The following HEPH variants were observed in gnomAD, a reference collection of about 807,000 sequenced individuals.
HEPH encodes hephaestin.
HEPH carries 69 observed loss-of-function variants against 80.8 expected under a neutral mutation model. That is an observed-to-expected ratio of 0.85 (90% confidence interval 0.70 to 1.04). The LOEUF (loss-of-function observed/expected upper bound fraction) is 1.04. Among genes scored for constraint, HEPH ranks in the 50% least tolerant of loss-of-function variants. HEPH has a pLI of 0.00. For missense variants in HEPH, 1,115 were observed against 891.3 expected (o/e 1.25, Z -3.20); for synonymous variants, 431 against 322.8 (o/e 1.34, Z -3.60).
In HEPH at chrX:66,255,157, G is replaced by T; in HGVS notation, c.2670+16G>T. The T allele has an allele frequency of 8.9e-7, 1 of 1,117,941 alleles. No homozygotes were observed. 92.1% of individuals were successfully genotyped at this position (1,117,941 alleles called of 1,213,427 possible). A position where few individuals can be genotyped will look rare whatever the true frequency, so the allele number is the denominator to read the frequency against. Reference sequence around the variant, plus strand: ...TCCCATCAAGGTAAATACAAGATTGGCTACCTGGAGGTGGGTCAAACTCCC... The same window carrying T: ...TCCCATCAAGGTAAATACAAGATTGTCTACCTGGAGGTGGGTCAAACTCCC... On this transcript the variant is annotated intron_variant, in intron 16 of 20. Transcript: ENST00000343002.
chrX:66,192,065 G>C, intron 6 of HEPH, 65 bp from the exon 7 acceptor site: 1 of 1,060,742 alleles, frequency 9.4e-7, no homozygotes, highest in East Asian at 3.1e-5. Flanking sequence ...GAAGGAGGAA[G>C]GTGAGTCCTC....
At chrX:66,265,325 C>A (rs1453911727) in intron 20 of HEPH, among the ~76,000 whole-genome samples, 2 of 110,721 alleles carry the variant, frequency 1.8e-5, no homozygotes, top group Non-Finnish European at 3.8e-5. Flanking sequence ...AATAATAATG[C>A]TGGATGCTGT....
chrX:66,234,823 A>G (rs1049158676), intron 15 of HEPH, among the ~76,000 whole-genome samples: 1 of 109,490 alleles, frequency 9.1e-6, no homozygotes, highest in African/African-American at 3.3e-5. Context: ...TTTGTTTTGT[A>G]TTTTTAGTAG....
At chrX:66,209,498 G>T (rs982878070) in intron 15 of HEPH, among the ~76,000 whole-genome samples, 1 of 111,950 alleles carries the variant, frequency 8.9e-6, no homozygotes, top group African/African-American at 3.2e-5. Context: ...AGGGACATAT[G>T]GGTGAAGGTA....
intron 15 of HEPH, among the ~76,000 whole-genome samples, chrX:66,254,546 A>G (rs1404001861): frequency 9.0e-6 from 1 of 110,701 alleles, no homozygotes; most frequent in East Asian, 2.8e-4. Flanking sequence ...GAGCTTAGTA[A>G]CAAGGGGAGT....
downstream of HEPH, chrX:66,268,361 G>A (rs2091584161): frequency 8.9e-6 from 1 of 112,154 alleles, no homozygotes; most frequent in Non-Finnish European, 1.9e-5. Flanking sequence ...CAATCCAGAA[G>A]CTATGATTCC....
intron 1 of HEPH, among the ~76,000 whole-genome samples, chrX:66,166,724 A>T (rs2086383479): frequency 1.8e-5 from 2 of 111,924 alleles, no homozygotes. Context: ...ACAGTACTTA[A>T]ACCTAAGTTT....
At chrX:66,197,148 G>T (rs1212272951) in intron 9 of HEPH, among the ~76,000 whole-genome samples, 1 of 109,537 alleles carries the variant, frequency 9.1e-6, no homozygotes, top group Admixed American at 9.8e-5. Context: ...ACCATGTCTT[G>T]TGTCCATTTT....
intron 20 of HEPH, among the ~76,000 whole-genome samples, chrX:66,264,651 A>C (rs1306052268): frequency 2.8e-5 from 3 of 108,962 alleles, no homozygotes; most frequent in African/African-American, 1.0e-4. Flanking sequence ...TGTTTGGAGA[A>C]GTCTTAATGA....
rs745729965 is a variant in HEPH at position 66,197,748 on chromosome X, C to T, written c.1567C>T (p.Pro523Ser). Residue 523 changes from proline to serine, a missense_variant, in exon 10 of 21, where the codon CCT (proline) becomes TCT (serine). By Grantham distance (74) the Pro-to-Ser change is moderately conservative. This residue lies in a region of HEPH where 716 missense variants were observed against 523.5 expected (regional missense o/e 1.37). Transcript: ENST00000343002. ...EKVTYRWTVP[P>S]HAGPTAQDPA... is the part of the protein sequence containing the mutation. ...AGTAACATACCGCTGGACAGTCCCCCCTCATGCCGGTCCCACTGCTCAGGA... is the reference window on the plus strand; with the variant it reads ...AGTAACATACCGCTGGACAGTCCCCTCTCATGCCGGTCCCACTGCTCAGGA... 10 of 1,210,150 alleles carry T rather than the reference C, an allele frequency of 8.3e-6. No individual in the cohort carries two copies. In the East Asian group the frequency reaches 1.2e-4, roughly 14 times the overall value.
chrX:66,227,907 G>C (rs757077752), intron 15 of HEPH, among the ~76,000 whole-genome samples: 1 of 110,902 alleles, frequency 9.0e-6, no homozygotes, highest in Admixed American at 9.6e-5. Flanking sequence ...ATGAATTTTA[G>C]GATTTTTTTT....
intron 15 of HEPH, among the ~76,000 whole-genome samples, chrX:66,221,196 C>T (rs1453427669): frequency 9.0e-6 from 1 of 111,612 alleles, no homozygotes; most frequent in Non-Finnish European, 1.9e-5. Context: ...ACAGCTGCTC[C>T]TGTCCGCGTA....
chrX:66,235,141 T>C (rs2090309438), intron 15 of HEPH, among the ~76,000 whole-genome samples: 1 of 111,844 alleles, frequency 8.9e-6, no homozygotes, highest in African/African-American at 3.3e-5. Flanking sequence ...TTCAATTCTG[T>C]AGGTTTTCAG....
chrX:66,239,429 C>T lies in HEPH; in HGVS notation c.2564-15606C>T, dbSNP rs542413894. 4.5e-5 allele frequency among the ~76,000 whole-genome samples: 5 copies of T among 112,218 alleles called. No individual in the cohort carries two copies. The South Asian group carries it at 1.1e-3, about 25-fold the overall frequency. On this transcript the variant is annotated intron_variant, in intron 15 of 20. Coordinates refer to ENST00000343002, the MANE Select transcript of HEPH (RefSeq NM_001367233.3). ...GCCATTTGTGTCAGTACCTCAGTGG[C>T]ATCTGTTCCACCTGGCTGTGTCTGG... is the stretch of plus-strand genomic sequence containing the variant.
intron 15 of HEPH, among the ~76,000 whole-genome samples, chrX:66,244,029 T>A (rs2090709474): frequency 8.9e-6 from 1 of 112,227 alleles, no homozygotes; most frequent in East Asian, 2.8e-4. Context: ...GTAGAGTTTC[T>A]GCTGAGAAGT....
chrX:66,199,549 A>G, intron 11 of HEPH, among the ~76,000 whole-genome samples: 1 of 112,146 alleles, frequency 8.9e-6, no homozygotes, highest in South Asian at 3.8e-4. Flanking sequence ...GAATTTACTG[A>G]GCGCCTAATT....
At chrX:66,245,456 A>G (rs1052983455) in intron 15 of HEPH, among the ~76,000 whole-genome samples, 4 of 111,852 alleles carry the variant, frequency 3.6e-5, no homozygotes, top group African/African-American at 1.3e-4. Flanking sequence ...TGCACCCAAT[A>G]CAGGAGCACC....
intron 15 of HEPH, among the ~76,000 whole-genome samples, chrX:66,227,611 C>T (rs1415434638): frequency 8.9e-6 from 1 of 111,808 alleles, no homozygotes; most frequent in Non-Finnish European, 1.9e-5. Flanking sequence ...CAAATCAGTA[C>T]CATTTGTCAT....
At position 66,199,520 on chromosome X, in the gene HEPH, G is replaced by A. The variant is rs779294607; in HGVS notation, c.1864+492G>A. Among the ~76,000 whole-genome samples, 4 of 111,910 alleles carry A rather than the reference G, an allele frequency of 3.6e-5. No individual in the cohort carries two copies. In the South Asian group the frequency reaches 1.5e-3, roughly 42 times the overall value. On this transcript the variant is annotated intron_variant, in intron 11 of 20. Transcript: ENST00000343002. ...TGGAAAAAGTAAAACCATCTCATGAGCAAAGTTCATTCCAGTTAGAATTTA... is the reference window on the plus strand; with the variant it reads ...TGGAAAAAGTAAAACCATCTCATGAACAAAGTTCATTCCAGTTAGAATTTA...
Sources: gnomAD v4.1 joint callset for allele counts (sites outside exome capture counted in the v4.1 genomes callset) on GRCh38, gnomAD v4.1.1 for gene constraint, gnomAD v4.1.1 regional missense constraint, MANE v1.5 for transcripts, NCBI Gene and HGNC (gene_info 2026-07-23, HGNC 2026-07-21) for gene names.